Variants in ANKFN1 observed in about 807,000 individuals in gnomAD.
The protein encoded by ANKFN1 is ankyrin repeat and fibronectin type III domain containing 1, also known as ankyrin repeat and fibronectin type-III domain-containing protein 1.
In ANKFN1, 74 loss-of-function variants were observed where a neutral mutation model predicts 108.7. The ratio of observed to expected loss-of-function variants is 0.68; its 90% CI spans 0.56 to 0.83. The LOEUF (loss-of-function observed/expected upper bound fraction) is 0.83, where lower values mean the gene tolerates loss of function less well. ANKFN1 is among the 40% of genes least tolerant of loss of function. ANKFN1 has a pLI of 0.00. For synonymous variants in ANKFN1, 547 were observed against 516.2 expected (o/e 1.06, Z -0.81); for missense variants, 1,505 against 1,382.3 (o/e 1.09, Z -1.41).
At position 56,280,300 on chromosome 17, in the gene ANKFN1, G is replaced by A. The variant is rs562882696; in HGVS notation, c.54-45921G>A. On this transcript the variant is annotated intron_variant, in intron 3 of 20. Transcript: ENST00000682825. ...AAGAAGATCCACCCTCACTAATGTGGGAGGGCAGCATCCAATCCACTGAGA... is the reference window on the plus strand; with the variant it reads ...AAGAAGATCCACCCTCACTAATGTGAGAGGGCAGCATCCAATCCACTGAGA... 5.3e-5 allele frequency among the ~76,000 whole-genome samples: 8 copies of A among 152,230 alleles called. No homozygotes were observed. In the South Asian group the frequency reaches 1.5e-3, roughly 28 times the overall value.
Position 56,055,557 on chromosome 17 carries a change from G to GTATATATACATATATATATATA in ANKFN1, c.288+9241_288+9262dup, listed in dbSNP as rs1312882468. On this transcript the variant is annotated intron_variant, in intron 4 of 12. Transcript: ENST00000635860. Reference sequence around the variant, plus strand: ...CTAATGTGGTATATGTGTGTGTGTGGTATATATACATATATATATATATAT... The same window carrying GTATATATACATATATATATATA: ...CTAATGTGGTATATGTGTGTGTGTGGTATATATACATATATATATATATATATATACATATATATATATATAT... Among the ~76,000 whole-genome samples, 146 of 20,944 alleles carry GTATATATACATATATATATATA rather than the reference G, an allele frequency of 7.0e-3. 8 individuals carry two copies. Among genetic ancestry groups the GTATATATACATATATATATATA allele is most frequent in the African/African-American group, 0.035 (131 of 3,756 alleles). 13.7% of individuals were successfully genotyped at this position (20,944 alleles called of 152,430 possible).
intron 4 of ANKFN1, among the ~76,000 whole-genome samples, chr17:56,065,303 C>A (rs146475511): frequency 9.9e-5 from 15 of 152,152 alleles, no homozygotes; most frequent in African/African-American, 3.6e-4. Context: ...GGAATGTTGT[C>A]GCTGGTTTTA....
At chr17:56,092,796 A>C (rs1269382940) in intron 4 of ANKFN1, among the ~76,000 whole-genome samples, 2 of 150,764 alleles carry the variant, frequency 1.3e-5, no homozygotes, top group Non-Finnish European at 3.0e-5. Context: ...TTCAGTTTCA[A>C]GTGGTCGTAG....
At chr17:56,241,343 G>T (rs1917564585) in intron 3 of ANKFN1, among the ~76,000 whole-genome samples, 1 of 151,958 alleles carries the variant, frequency 6.6e-6, no homozygotes, top group South Asian at 2.1e-4. Flanking sequence ...TGAAGTAGGG[G>T]GTCTAACTTT....
At chr17:56,417,878 G>A (rs542377753) in intron 8 of ANKFN1, among the ~76,000 whole-genome samples, 126 of 152,256 alleles carry the variant, frequency 8.3e-4, no homozygotes, top group African/African-American at 2.7e-3. Context: ...TCTTCAAGGC[G>A]TTAGGTCTTA....
At chr17:56,231,885 G>A (rs1419500512) in intron 3 of ANKFN1, among the ~76,000 whole-genome samples, 1 of 152,144 alleles carries the variant, frequency 6.6e-6, no homozygotes, top group African/African-American at 2.4e-5. Context: ...TCAATATGAT[G>A]CAGTTCAACA....
chr17:56,447,661 A>T (rs1343513312), intron 10 of ANKFN1, among the ~76,000 whole-genome samples: 1 of 152,218 alleles, frequency 6.6e-6, no homozygotes, highest in Non-Finnish European at 1.5e-5. Flanking sequence ...ATCAGCTGAT[A>T]GGGTAAGAAA....
intron 8 of ANKFN1, among the ~76,000 whole-genome samples, chr17:56,403,939 A>G (rs1233801808): frequency 6.6e-6 from 1 of 152,096 alleles, no homozygotes; most frequent in Non-Finnish European, 1.5e-5. Flanking sequence ...GTTTTGCTGG[A>G]TACAAAATCC....
chr17:56,462,713 A>G (rs1192088635), intron 14 of ANKFN1, among the ~76,000 whole-genome samples: 3 of 152,042 alleles, frequency 2.0e-5, no homozygotes, highest in Non-Finnish European at 2.9e-5. Context: ...ATCTCATTTA[A>G]CTCTCCTCTC....
intron 4 of ANKFN1, among the ~76,000 whole-genome samples, chr17:56,131,377 G>A (rs1284865050): frequency 6.6e-6 from 1 of 152,174 alleles, no homozygotes; most frequent in Non-Finnish European, 1.5e-5. Context: ...ATGCCCTGGA[G>A]ATCTGAGGAC....
At chr17:56,130,335 G>T (rs533365906) in intron 4 of ANKFN1, among the ~76,000 whole-genome samples, 1 of 152,064 alleles carries the variant, frequency 6.6e-6, no homozygotes, top group Non-Finnish European at 1.5e-5. Context: ...ACTCCACCAC[G>T]GCTAATGTGT....
chr17:56,395,231 G>A (rs1480506175), intron 8 of ANKFN1, among the ~76,000 whole-genome samples: 3 of 152,176 alleles, frequency 2.0e-5, no homozygotes, highest in Non-Finnish European at 4.4e-5. Flanking sequence ...GAAAGGACAA[G>A]GGATTTTAAA....
intron 1 of ANKFN1, among the ~76,000 whole-genome samples, chr17:56,179,941 GCT>G (rs1911529516): frequency 6.6e-6 from 1 of 152,108 alleles, no homozygotes; most frequent in Non-Finnish European, 1.5e-5. Context: ...AGTAGATTGA[GCT>G]CATCTCATAG....
At chr17:56,445,342 C>T (rs901695723) in intron 10 of ANKFN1, among the ~76,000 whole-genome samples, 2 of 152,200 alleles carry the variant, frequency 1.3e-5, no homozygotes, top group African/African-American at 2.4e-5. Context: ...ATAAGCTGCA[C>T]GTTCCATTCA....
chr17:56,398,579 T>A (rs539850588), intron 8 of ANKFN1, among the ~76,000 whole-genome samples: 3 of 152,314 alleles, frequency 2.0e-5, no homozygotes, highest in South Asian at 4.1e-4. Flanking sequence ...TAAATAAAGC[T>A]GATGATCCTG....
At chr17:56,126,497 C>A (rs1434921542) in intron 4 of ANKFN1, among the ~76,000 whole-genome samples, 1 of 152,132 alleles carries the variant, frequency 6.6e-6, no homozygotes, top group South Asian at 2.1e-4. Flanking sequence ...CATATGTTTA[C>A]CTTTTGCTGA....
At chr17:56,118,716 C>T (rs1042919863) in intron 4 of ANKFN1, among the ~76,000 whole-genome samples, 10 of 152,142 alleles carry the variant, frequency 6.6e-5, no homozygotes, top group Admixed American at 2.6e-4. Context: ...TATTAAGAAG[C>T]GAACATATTA....
intron 3 of ANKFN1, among the ~76,000 whole-genome samples, chr17:56,230,499 T>A (rs1567852257): frequency 6.6e-6 from 1 of 152,076 alleles, no homozygotes; most frequent in Non-Finnish European, 1.5e-5. Context: ...CCCTCCCTGT[T>A]TTAGTGGGAG....
At chr17:56,317,187 A>G (rs1259801813) in intron 3 of ANKFN1, among the ~76,000 whole-genome samples, 1 of 152,170 alleles carries the variant, frequency 6.6e-6, no homozygotes, top group Non-Finnish European at 1.5e-5. Context: ...GCTAGAAGTG[A>G]CTTTCAACGT....
Sources: gnomAD v4.1 joint callset for allele counts (sites outside exome capture counted in the v4.1 genomes callset) on GRCh38, gnomAD v4.1.1 for gene constraint, MANE v1.5 for transcripts, NCBI Gene and HGNC (gene_info 2026-07-23, HGNC 2026-07-21) for gene names.